ADAMTSL1: variants seen among roughly 807,000 people sequenced by gnomAD.
The protein encoded by ADAMTSL1 is ADAMTS like 1, also known as ADAMTS-like protein 1.
ADAMTSL1 carries 126 observed loss-of-function variants against 201.8 expected under a neutral mutation model. The ratio of observed to expected loss-of-function variants is 0.62; its 90% confidence interval spans 0.54 to 0.72. ADAMTSL1 has a LOEUF of 0.72. ADAMTSL1 is among the 30% of genes least tolerant of loss of function. The pLI is 0.00. For missense variants in ADAMTSL1, 2,679 were observed against 2,277.8 expected (o/e 1.18, Z -3.59); for synonymous variants, 1,121 against 903.4 (o/e 1.24, Z -4.32).
Position 18,826,393 on chromosome 9 carries a change from G to T in ADAMTSL1, c.4044G>T (p.Gln1348His). 2 of 1,613,826 alleles carry T rather than the reference G, an allele frequency of 1.2e-6. No homozygotes were observed. Among genetic ancestry groups the T allele is most frequent in the Non-Finnish European group, 1.7e-6 (2 of 1,179,854 alleles). Residue 1348 changes from glutamine to histidine, a missense_variant, in exon 22 of 29, where the codon CAG becomes CAT. Coordinates refer to ENST00000380548, the MANE Select transcript of ADAMTSL1 (RefSeq NM_001040272.6). ...TCACAAACGTGTCCTCCTCGGATCA[G>T]GGCCTGTACTCCTGCAGGGCGGCCA... ...LLLTNVSSSDQGLYSCRAANL... is the reference protein window; with the variant it reads ...LLLTNVSSSDHGLYSCRAANL...
At chr9:18,176,957 G>T (rs181450759) in intron 2 of ADAMTSL1, among the ~76,000 whole-genome samples, 330 of 152,304 alleles carry the variant, frequency 2.2e-3, no homozygotes, top group African/African-American at 7.7e-3. Flanking sequence ...GTTCAAAGGA[G>T]TTGATGAGCA....
chr9:18,618,831 T>G (rs1183474607), intron 4 of ADAMTSL1, among the ~76,000 whole-genome samples: 1 of 152,208 alleles, frequency 6.6e-6, no homozygotes, highest in Admixed American at 6.6e-5. Context: ...ATTATGATTT[T>G]TTCTCATGAC....
At chr9:18,594,645 T>G (rs1824144448) in intron 4 of ADAMTSL1, among the ~76,000 whole-genome samples, 2 of 152,330 alleles carry the variant, frequency 1.3e-5, no homozygotes, top group South Asian at 4.1e-4. Flanking sequence ...ATGTTTCAGC[T>G]CCAAGGTTGA....
chr9:18,865,678 AG>A (rs1827485672), intron 23 of ADAMTSL1, among the ~76,000 whole-genome samples: 1 of 152,212 alleles, frequency 6.6e-6, no homozygotes, highest in Admixed American at 6.5e-5. Flanking sequence ...GGCTCAGTTT[AG>A]AACCACTTTA....
intron 8 of ADAMTSL1, among the ~76,000 whole-genome samples, chr9:18,658,343 G>A (rs1455826134): frequency 6.6e-6 from 1 of 152,210 alleles, no homozygotes; most frequent in Non-Finnish European, 1.5e-5. Flanking sequence ...TAATTTGGCA[G>A]CAGTTTGGTC....
At chr9:18,011,890 A>G (rs1052723017) in intron 1 of ADAMTSL1, among the ~76,000 whole-genome samples, 1 of 152,020 alleles carries the variant, frequency 6.6e-6, no homozygotes, top group African/African-American at 2.4e-5. Flanking sequence ...TTACAAGGGT[A>G]GGGCAGCAAT....
At chr9:18,138,368 C>A (rs922245205) in intron 1 of ADAMTSL1, among the ~76,000 whole-genome samples, 4 of 152,058 alleles carry the variant, frequency 2.6e-5, no homozygotes, top group African/African-American at 9.7e-5. Context: ...CTCTTTTATA[C>A]CCATGTATCC....
rs772034324 is a variant in ADAMTSL1, at chr9:18,366,627, A to ATTT, written c.208-138164_208-138162dup. 1.3e-3 allele frequency among the ~76,000 whole-genome samples: 143 copies of ATTT among 112,828 alleles called. 28 individuals are homozygous for ATTT. Among genetic ancestry groups the ATTT allele is most frequent in the African/African-American group, 3.7e-3 (108 of 29,088 alleles). 74.0% of individuals were successfully genotyped at this position (112,828 alleles called of 152,430 possible). On this transcript the variant is annotated intron_variant, in intron 2 of 29. Coordinates refer to the ADAMTSL1 transcript ENST00000680146. ...ATGGATAGTGCCTCTGAAATCACTA[A>ATTT]TTTTTTTTTTTTTTTTTTTTTTTTT...
intron 23 of ADAMTSL1, among the ~76,000 whole-genome samples, chr9:18,883,245 G>A (rs928489916): frequency 1.3e-5 from 2 of 152,086 alleles, no homozygotes; most frequent in African/African-American, 4.8e-5. Flanking sequence ...ATCTAAGCTG[G>A]GTTTGGCTGG....
At chr9:17,998,088 A>G (rs964935626) in intron 1 of ADAMTSL1, among the ~76,000 whole-genome samples, 4 of 152,100 alleles carry the variant, frequency 2.6e-5, no homozygotes, top group Non-Finnish European at 5.9e-5. Context: ...TAGGCATCTC[A>G]CATAGTCCTA....
At chr9:18,886,164 GTGTATATATATATATA>G (rs1402078042) in intron 23 of ADAMTSL1, among the ~76,000 whole-genome samples, 914 of 62,238 alleles carry the variant, frequency 0.015, 52 homozygotes, top group South Asian at 0.12. Flanking sequence ...GAGTGTGTAT[GTGTATATATATATATA>G]TATATATATA....
chr9:18,775,056 T>C (rs1431476063), intron 17 of ADAMTSL1, among the ~76,000 whole-genome samples: 1 of 150,530 alleles, frequency 6.6e-6, no homozygotes, highest in African/African-American at 2.4e-5. Context: ...TTGTCTTTTT[T>C]TTTTATTATT....
At chr9:18,441,285 A>T (rs918007617) in intron 2 of ADAMTSL1, among the ~76,000 whole-genome samples, 1 of 152,202 alleles carries the variant, frequency 6.6e-6, no homozygotes, top group Non-Finnish European at 1.5e-5. Flanking sequence ...TCACTCACAA[A>T]AAAGTGAATT....
At position 18,164,201 on chromosome 9, in the gene ADAMTSL1, GC is replaced by G. The variant is rs528495404; in HGVS notation, c.207+221del. On this transcript the variant is annotated intron_variant, in intron 2 of 29. Coordinates refer to the ADAMTSL1 transcript ENST00000680146. ...GGCAAGATTTAAACATTTTACTCAA[GC>G]GTTAAAGTTTGTTTGGGGCAGCATG... Among the ~76,000 whole-genome samples the G allele has an allele frequency of 1.4e-4, 22 of 151,990 alleles. No homozygotes were observed. The East Asian group carries it at 3.3e-3, about 23-fold the overall frequency.
intron 3 of ADAMTSL1, among the ~76,000 whole-genome samples, chr9:18,539,149 A>G (rs1819977222): frequency 6.6e-6 from 1 of 152,156 alleles, no homozygotes; most frequent in African/African-American, 2.4e-5. Context: ...TGCCAGGGCC[A>G]TTTATTTTTT....
At chr9:18,123,303 T>C (rs1196338325) in intron 1 of ADAMTSL1, among the ~76,000 whole-genome samples, 3 of 152,220 alleles carry the variant, frequency 2.0e-5, no homozygotes. Flanking sequence ...TGTACAAATA[T>C]GACTTGATTC....
At chr9:18,897,226 G>A (rs1829698606) in intron 26 of ADAMTSL1, among the ~76,000 whole-genome samples, 1 of 152,200 alleles carries the variant, frequency 6.6e-6, no homozygotes. Context: ...ATCTCTCCCT[G>A]GGACAGAGCC....
chr9:18,721,504 C>T, intron 14 of ADAMTSL1, 32 bp from the exon 15 acceptor site: 1 of 1,610,196 alleles, frequency 6.2e-7, no homozygotes, highest in Non-Finnish European at 8.5e-7. Flanking sequence ...ACCCACTTTG[C>T]ACTCTGGCCT....
rs533847506 is a variant in ADAMTSL1 at position 18,724,993 on chromosome 9, G to A, written c.2006+3328G>A. Among the ~76,000 whole-genome samples, 20 of 151,534 alleles carry A rather than the reference G, an allele frequency of 1.3e-4. No homozygotes were observed. The South Asian group carries it at 2.9e-3, about 22-fold the overall frequency. On this transcript the variant is annotated intron_variant, in intron 15 of 28. Transcript: ENST00000380548. Reference sequence around the variant, plus strand: ...GAGATCTCAGCTCACTGCAAGCTCCGCCTCCCGGGTTTACACCATTCTCCT... The same window carrying A: ...GAGATCTCAGCTCACTGCAAGCTCCACCTCCCGGGTTTACACCATTCTCCT...
Sources: gnomAD v4.1 joint callset for allele counts (sites outside exome capture counted in the v4.1 genomes callset) on GRCh38, gnomAD v4.1.1 for gene constraint, MANE v1.5 for transcripts, NCBI Gene and HGNC (gene_info 2026-07-23, HGNC 2026-07-21) for gene names.